BTBD1: variants seen among roughly 807,000 people sequenced by gnomAD.
BTBD1 encodes BTB/POZ domain-containing protein 1.
A neutral mutation model predicts 48.0 loss-of-function variants in BTBD1; 34 were observed. The ratio of observed to expected loss-of-function variants is 0.71; its 90% CI spans 0.54 to 0.94. BTBD1 has a LOEUF of 0.94. Ranked by LOEUF, BTBD1 falls within the 40% of genes least tolerant of loss-of-function variation. The pLI, the probability that BTBD1 is intolerant of heterozygous loss-of-function variation, is 0.00. For missense variants in BTBD1, 543 were observed against 625.6 expected, an observed-to-expected ratio of 0.87 and a Z score of 1.41; for synonymous variants, 261 against 242.1, an observed-to-expected ratio of 1.08 and a Z score of -0.72.
At position 83,030,261 on chromosome 15, in the gene BTBD1, G is replaced by A; in HGVS notation, c.930C>T (p.Asn310=). Residue 310 remains asparagine (N), a synonymous_variant, in exon 5 of 8, where the codon AAC becomes AAT. Coordinates refer to ENST00000261721, the MANE Select transcript of BTBD1 (RefSeq NM_025238.4). Reference sequence around the variant, plus strand: ...CAATGTATTCAACTCGGGGTTTAGGGTTGACAGTAAAATGAAGAAAGAGGT... The same window carrying A: ...CAATGTATTCAACTCGGGGTTTAGGATTGACAGTAAAATGAAGAAAGAGGT... ...VVNLFLHFTV[N]PKPRVEYIDR... is the part of the protein sequence containing the mutation. 1 of 1,613,976 alleles carries A rather than the reference G, an allele frequency of 6.2e-7. No homozygotes were observed. Among genetic ancestry groups the A allele is most frequent in the Non-Finnish European group, 8.5e-7 (1 of 1,179,954 alleles).
chr15:83,035,463 T>C (rs1372796123), intron 4 of BTBD1, among the ~76,000 whole-genome samples: 1 of 151,908 alleles, frequency 6.6e-6, no homozygotes, highest in African/African-American at 2.4e-5. Flanking sequence ...TCTCAAATAT[T>C]TGGAAATTAA....
At chr15:83,062,982 G>A (rs2033200300) in intron 1 of BTBD1, among the ~76,000 whole-genome samples, 1 of 152,074 alleles carries the variant, frequency 6.6e-6, no homozygotes, top group Admixed American at 6.5e-5. Flanking sequence ...CTTCCACCTT[G>A]TCAAGATTAA....
intron 5 of BTBD1, among the ~76,000 whole-genome samples, chr15:83,028,116 T>C (rs1002199669): frequency 2.6e-5 from 4 of 152,228 alleles, no homozygotes; most frequent in Non-Finnish European, 4.4e-5. Flanking sequence ...GAACTACTAA[T>C]GTACATAATG....
intron 2 of BTBD1, among the ~76,000 whole-genome samples, chr15:83,052,801 T>TTTTTA (rs2033017068): frequency 7.3e-6 from 1 of 136,190 alleles, no homozygotes; most frequent in Non-Finnish European, 1.6e-5. Flanking sequence ...CGGCTAATTT[T>TTTTTA]TTTTTTTTTT....
rs2032764919 is a variant in BTBD1 at position 83,041,772 on chromosome 15, G to GA, written c.817dup (p.Ser273PhefsTer11). ...TGTCATCAGTGGGAACCGGATTAAG[G>GA]AAAGTGCTTTTCCTAGAACTTTTTG... is the stretch of plus-strand genomic sequence containing the variant. On this transcript the variant is annotated frameshift_variant, in exon 4 of 8. Coordinates refer to ENST00000261721, the MANE Select transcript of BTBD1 (RefSeq NM_025238.4). LOFTEE classifies it high-confidence loss of function. 3 of 1,614,154 alleles carry GA rather than the reference G, an allele frequency of 1.9e-6. No homozygotes were observed. The highest frequency in any genetic ancestry group is 2.5e-6 in the Non-Finnish European group (3 of 1,180,024).
intron 3 of BTBD1, among the ~76,000 whole-genome samples, chr15:83,048,663 T>C (rs2032924709): frequency 6.6e-6 from 1 of 152,210 alleles, no homozygotes; most frequent in Non-Finnish European, 1.5e-5. Context: ...TTGGAAACTG[T>C]GACTTCAAAT....
At chr15:83,021,623 A>C (rs542006797) in intron 5 of BTBD1, among the ~76,000 whole-genome samples, 61 of 152,210 alleles carry the variant, frequency 4.0e-4, no homozygotes, top group African/African-American at 1.3e-3. Context: ...GCATGATAGC[A>C]GGCACCTGTA....
At chr15:83,039,056 T>G (rs988954437) in intron 4 of BTBD1, among the ~76,000 whole-genome samples, 6 of 151,968 alleles carry the variant, frequency 3.9e-5, no homozygotes, top group African/African-American at 1.4e-4. Context: ...CTAAAGAGCT[T>G]CTGCACAGTA....
chr15:83,034,924 T>C (rs1189602304), intron 4 of BTBD1, among the ~76,000 whole-genome samples: 1 of 152,308 alleles, frequency 6.6e-6, no homozygotes, highest in East Asian at 1.9e-4. Flanking sequence ...GTTGAACAGA[T>C]ACAGGACTAT....
At chr15:83,031,954 G>C (rs2032525738) in intron 4 of BTBD1, among the ~76,000 whole-genome samples, 1 of 152,104 alleles carries the variant, frequency 6.6e-6, no homozygotes, top group African/African-American at 2.4e-5. Context: ...ATGGTGAAAA[G>C]GGAACTCTTT....
intron 1 of BTBD1, among the ~76,000 whole-genome samples, chr15:83,058,600 CTTAAAAAAATTTTTTTTTAA>C (rs1359534034): frequency 2.0e-5 from 3 of 150,502 alleles, no homozygotes; most frequent in South Asian, 2.1e-4. Context: ...CAAAGTGAGA[CTTAAAAAAATTTTTTTTTAA>C]TTAAAAAAAA....
intron 5 of BTBD1, among the ~76,000 whole-genome samples, chr15:83,029,154 T>A (rs1412514196): frequency 6.6e-6 from 1 of 152,246 alleles, no homozygotes; most frequent in Non-Finnish European, 1.5e-5. Context: ...AGTACATTTT[T>A]AATTTCCATG....
At chr15:83,035,946 TA>T (rs1287074248) in intron 4 of BTBD1, among the ~76,000 whole-genome samples, 1 of 151,650 alleles carries the variant, frequency 6.6e-6, no homozygotes, top group East Asian at 1.9e-4. Flanking sequence ...AAAAATACAT[TA>T]AAAATTCAGC....
chr15:83,032,428 C>T (rs768425287), intron 4 of BTBD1, among the ~76,000 whole-genome samples: 7 of 152,126 alleles, frequency 4.6e-5, no homozygotes, highest in East Asian at 1.9e-4. Flanking sequence ...GATACTTGCA[C>T]GTACATGTTT....
chr15:83,050,249 T>G, intron 2 of BTBD1, 71 bp from the exon 3 acceptor site: 1 of 882,866 alleles, frequency 1.1e-6, no homozygotes, highest in Admixed American at 2.3e-5. Context: ...TATTTGAAAT[T>G]AATATTGTCA....
rs2032692675 is a variant in BTBD1 at position 83,039,280 on chromosome 15, TC to T, written c.862+2447del. On this transcript the variant is annotated intron_variant, in intron 4 of 7. Transcript: ENST00000261721. ...CAGCCAACAAACATGAAAAAAATCC[TC>T]AACATCACTAATCATCAGAGAAATG... is the stretch of plus-strand genomic sequence containing the variant. Among the ~76,000 whole-genome samples, 4 of 152,074 alleles carry T rather than the reference TC, an allele frequency of 2.6e-5. No individual in the cohort carries two copies. In the South Asian group the frequency reaches 8.3e-4, roughly 32 times the overall value.
intron 1 of BTBD1, among the ~76,000 whole-genome samples, chr15:83,063,623 G>T (rs979431561): frequency 6.6e-6 from 1 of 151,784 alleles, no homozygotes; most frequent in Non-Finnish European, 1.5e-5. Flanking sequence ...CACCACCTCC[G>T]CCTCCCCAAT....
chr15:83,050,456 G>GTC (rs2032961492), intron 2 of BTBD1, among the ~76,000 whole-genome samples: 1 of 151,654 alleles, frequency 6.6e-6, no homozygotes, highest in Admixed American at 6.6e-5. Context: ...GTGTGTGTGT[G>GTC]TGTGTGTGTA....
At chr15:83,059,652 A>C (rs2033146084) in intron 1 of BTBD1, among the ~76,000 whole-genome samples, 1 of 152,218 alleles carries the variant, frequency 6.6e-6, no homozygotes, top group South Asian at 2.1e-4. Context: ...GCACGATCAT[A>C]GCTCACTGTA....
Sources: allele counts gnomAD v4.1 joint callset (sites outside exome capture counted in the v4.1 genomes callset), GRCh38; gene constraint gnomAD v4.1.1; transcripts MANE v1.5; gene names NCBI Gene and HGNC (gene_info 2026-07-23, HGNC 2026-07-21).